LRMDA: variants seen among roughly 807,000 people sequenced by gnomAD.
LRMDA encodes the protein leucine rich melanocyte differentiation associated, also known as leucine-rich melanocyte differentiation-associated protein.
A neutral mutation model predicts 29.8 loss-of-function variants in LRMDA; 18 were observed. That is an observed-to-expected ratio of 0.60 (90% CI 0.42 to 0.90). LRMDA has a LOEUF of 0.90. Among genes scored for constraint, LRMDA ranks in the 40% least tolerant of loss-of-function variants. The pLI, the probability that LRMDA is intolerant of heterozygous loss-of-function variation, is 0.00. For synonymous variants in LRMDA, 125 were observed against 109.4 expected, an observed-to-expected ratio of 1.14 and a Z score of -0.89; for missense variants, 273 against 273.9, an observed-to-expected ratio of 1.00 and a Z score of 0.02.
chr10:75,815,675 C>T (rs1844046550), intron 2 of LRMDA, among the ~76,000 whole-genome samples: 2 of 152,124 alleles, frequency 1.3e-5, no homozygotes, highest in South Asian at 4.2e-4. Flanking sequence ...CCCTTTCCAC[C>T]AGCCAACCCA....
chr10:75,449,243 A>G lies in LRMDA; in HGVS notation c.131+10749A>G, dbSNP rs185659736. ...TGCCATGGCTGGGCAGAACACTTAC[A>G]TATGTTATCTCATTTACTCCCAACA... On this transcript the variant is annotated intron_variant, in intron 2 of 6. Transcript: ENST00000611255. 1.1e-4 allele frequency among the ~76,000 whole-genome samples: 16 copies of G among 152,170 alleles called. No homozygotes were observed. The East Asian group carries it at 3.1e-3, about 29-fold the overall frequency.
chr10:76,328,165 G>C (rs978318802), intron 6 of LRMDA, among the ~76,000 whole-genome samples: 2 of 152,104 alleles, frequency 1.3e-5, no homozygotes, highest in African/African-American at 4.8e-5. Flanking sequence ...TTGTTCCCTC[G>C]TGGCAATCTA....
Position 75,522,575 on chromosome 10 carries a change from A to C in LRMDA, c.131+84081A>C, listed in dbSNP as rs184223289. Among the ~76,000 whole-genome samples, 99 of 152,306 alleles carry C rather than the reference A, an allele frequency of 6.5e-4. No homozygotes were observed. In the Middle Eastern group the frequency reaches 0.014, roughly 21 times the overall value. On this transcript the variant is annotated intron_variant, in intron 2 of 6. Coordinates refer to ENST00000611255, the MANE Select transcript of LRMDA (RefSeq NM_001305581.2). ...CCTTGTTTTAAAGAGAAGGAAATGG[A>C]AGCACAAAGGGATGAGGCAGATTGT...
intron 2 of LRMDA, among the ~76,000 whole-genome samples, chr10:75,792,121 G>A (rs1408700475): frequency 1.3e-5 from 2 of 152,098 alleles, no homozygotes; most frequent in Admixed American, 6.5e-5. Flanking sequence ...GCCTCTCAAA[G>A]TGCTGCGGGC....
chr10:76,495,117 T>G (rs1842869486), intron 6 of LRMDA, among the ~76,000 whole-genome samples: 1 of 151,850 alleles, frequency 6.6e-6, no homozygotes, highest in South Asian at 2.1e-4. Flanking sequence ...ATTCTGGAAG[T>G]TTTAGTGTTT....
At chr10:76,507,652 A>AT (rs1842972244) in intron 6 of LRMDA, among the ~76,000 whole-genome samples, 1 of 151,930 alleles carries the variant, frequency 6.6e-6, no homozygotes, top group Admixed American at 6.6e-5. Flanking sequence ...TTTTTAATCC[A>AT]TTTTTATTTT....
At position 76,350,173 on chromosome 10, in the gene LRMDA, A is replaced by C. The variant is rs571058603; in HGVS notation, c.601+25688A>C. ...CAGGTAGGTGGAGGCAAAAAACAAA[A>C]AAAAAAATAAATAAATTCTGACCTG... is the stretch of plus-strand genomic sequence containing the variant. On this transcript the variant is annotated intron_variant, in intron 6 of 6. Transcript: ENST00000611255. Among the ~76,000 whole-genome samples the C allele has an allele frequency of 4.2e-3, 638 of 150,824 alleles. 3 individuals carry two copies. The highest frequency in any genetic ancestry group is 6.2e-3 in the Non-Finnish European group (418 of 67,880).
intron 6 of LRMDA, among the ~76,000 whole-genome samples, chr10:76,402,854 T>C (rs538125502): frequency 5.3e-5 from 8 of 152,284 alleles, no homozygotes; most frequent in East Asian, 1.9e-4. Flanking sequence ...TTCTTTAAAA[T>C]AGAGATTTTT....
At chr10:76,395,967 G>A (rs574069584) in intron 6 of LRMDA, among the ~76,000 whole-genome samples, 8 of 152,132 alleles carry the variant, frequency 5.3e-5, no homozygotes, top group African/African-American at 4.8e-5. Context: ...TTTATTTTCT[G>A]GGGCTGCCTG....
intron 2 of LRMDA, among the ~76,000 whole-genome samples, chr10:75,498,931 G>C (rs918163349): frequency 2.0e-5 from 3 of 152,138 alleles, no homozygotes; most frequent in African/African-American, 7.2e-5. Flanking sequence ...AACTGGAGGA[G>C]ACGCTGTGGG....
intron 2 of LRMDA, among the ~76,000 whole-genome samples, chr10:75,691,369 T>G (rs1842154959): frequency 6.6e-6 from 1 of 151,706 alleles, no homozygotes; most frequent in Non-Finnish European, 1.5e-5. Flanking sequence ...AGCATAGGTA[T>G]CAGCAGCTTA....
intron 2 of LRMDA, among the ~76,000 whole-genome samples, chr10:75,860,185 G>A (rs1290434801): frequency 2.0e-5 from 3 of 151,980 alleles, no homozygotes; most frequent in South Asian, 2.1e-4. Flanking sequence ...CCAAGAGGTC[G>A]CCTTGTGCAA....
At chr10:75,726,198 G>A (rs1484445684) in intron 2 of LRMDA, among the ~76,000 whole-genome samples, 1 of 152,226 alleles carries the variant, frequency 6.6e-6, no homozygotes, top group Non-Finnish European at 1.5e-5. Context: ...GACACATTAA[G>A]CATGGAATGC....
At chr10:75,734,968 TC>T (rs1235710558) in intron 2 of LRMDA, among the ~76,000 whole-genome samples, 2 of 152,220 alleles carry the variant, frequency 1.3e-5, no homozygotes, top group Non-Finnish European at 2.9e-5. Context: ...TTTTTCTCCT[TC>T]CCTTGCCGCT....
chr10:76,293,756 G>T (rs554581134), intron 5 of LRMDA, among the ~76,000 whole-genome samples: 63 of 152,226 alleles, frequency 4.1e-4, no homozygotes, highest in African/African-American at 1.5e-3. Context: ...CTTATATATA[G>T]GATTCCAGCT....
At chr10:76,080,033 C>G (rs186283260) in intron 5 of LRMDA, among the ~76,000 whole-genome samples, 25 of 152,238 alleles carry the variant, frequency 1.6e-4, no homozygotes, top group African/African-American at 5.1e-4. Context: ...TTAACTAGAT[C>G]AGTGTATGTC....
chr10:75,772,863 G>A (rs1843260440), intron 2 of LRMDA, among the ~76,000 whole-genome samples: 3 of 98,794 alleles, frequency 3.0e-5, no homozygotes, highest in Admixed American at 1.1e-4. Flanking sequence ...TTTGGGGGGG[G>A]TGGGATGGGG....
At chr10:76,119,562 T>C (rs1849739815) in intron 5 of LRMDA, among the ~76,000 whole-genome samples, 1 of 152,182 alleles carries the variant, frequency 6.6e-6, no homozygotes, top group Admixed American at 6.5e-5. Flanking sequence ...TTCTGTCAAA[T>C]GGGCATGCTA....
chr10:75,990,038 G>C (rs1847340278), intron 2 of LRMDA, among the ~76,000 whole-genome samples: 1 of 152,104 alleles, frequency 6.6e-6, no homozygotes. Flanking sequence ...ACAATAACTG[G>C]TAAGAAGCTA....
Sources: gnomAD v4.1 joint callset for allele counts (sites outside exome capture counted in the v4.1 genomes callset) on GRCh38, gnomAD v4.1.1 for gene constraint, MANE v1.5 for transcripts, NCBI Gene and HGNC (gene_info 2026-07-23, HGNC 2026-07-21) for gene names.